The following PDGFC variants were observed in gnomAD, a reference collection of about 807,000 sequenced individuals.
PDGFC encodes the protein platelet derived growth factor C.
A neutral mutation model predicts 35.5 loss-of-function variants in PDGFC; 12 were observed. The ratio of observed to expected loss-of-function variants is 0.34; its 90% CI spans 0.22 to 0.55. The LOEUF is 0.55. Ranked by LOEUF, PDGFC falls within the 20% of genes least tolerant of loss-of-function variation. PDGFC has a pLI of 0.91. For synonymous variants in PDGFC, 159 were observed against 148.8 expected, an observed-to-expected ratio of 1.07 and a Z score of -0.50; for missense variants, 322 against 412.4, an observed-to-expected ratio of 0.78 and a Z score of 1.90.
intron 2 of PDGFC, chr4:156,841,539 C>T (rs918978266): frequency 4.1e-5 from 6 of 147,706 alleles, no homozygotes; most frequent in Admixed American, 2.0e-4. Context: ...CAGGATCTAA[C>T]TCTGTCACCC....
At chr4:156,895,721 T>C (rs1730618934) in intron 1 of PDGFC, among the ~76,000 whole-genome samples, 1 of 151,914 alleles carries the variant, frequency 6.6e-6, no homozygotes, top group Non-Finnish European at 1.5e-5. Flanking sequence ...AATCTATGTA[T>C]ATGTGAGTAT....
chr4:156,916,503 C>T (rs1279696485), intron 1 of PDGFC, among the ~76,000 whole-genome samples: 1 of 152,190 alleles, frequency 6.6e-6, no homozygotes, highest in African/African-American at 2.4e-5. Flanking sequence ...ACATACCTTA[C>T]TAGGCCCTAG....
At chr4:156,792,687 G>C (rs1731328986) in intron 3 of PDGFC, among the ~76,000 whole-genome samples, 1 of 152,174 alleles carries the variant, frequency 6.6e-6, no homozygotes, top group African/African-American at 2.4e-5. Flanking sequence ...AGTTCAGGAA[G>C]TCTACAGACC....
chr4:156,935,622 G>A (rs761379697), intron 1 of PDGFC, among the ~76,000 whole-genome samples: 11 of 152,170 alleles, frequency 7.2e-5, no homozygotes, highest in Non-Finnish European at 1.0e-4. Context: ...ACATGGTTAT[G>A]CAGCACATGA....
Position 156,849,473 on chromosome 4 carries a change from A to G in PDGFC, c.314+748T>C, listed in dbSNP as rs77202332. ...AAAAATCCAGTGAAGTTCAAGTAAA[A>G]TATTTTCATGTTATACAAATGTCAT... On this transcript the variant is annotated intron_variant, in intron 2 of 5. Coordinates refer to ENST00000502773, the MANE Select transcript of PDGFC (RefSeq NM_016205.3). Among the ~76,000 whole-genome samples the G allele has an allele frequency of 6.9e-3, 1,045 of 152,222 alleles. 7 individuals are homozygous for G. The highest frequency in any genetic ancestry group is 0.02 in the Middle Eastern group (6 of 294).
At chr4:156,875,736 G>A (rs1730100284) in intron 1 of PDGFC, among the ~76,000 whole-genome samples, 1 of 152,060 alleles carries the variant, frequency 6.6e-6, no homozygotes, top group Non-Finnish European at 1.5e-5. Context: ...TGGCCAACAT[G>A]GTGAAACCCC....
intron 1 of PDGFC, among the ~76,000 whole-genome samples, chr4:156,904,787 T>C (rs1730874411): frequency 6.6e-6 from 1 of 152,094 alleles, no homozygotes. Flanking sequence ...TATTTTTGTT[T>C]TTGGCACTCA....
intron 1 of PDGFC, among the ~76,000 whole-genome samples, chr4:156,946,025 A>G (rs2110922978): frequency 6.6e-6 from 1 of 152,202 alleles, no homozygotes; most frequent in East Asian, 1.9e-4. Flanking sequence ...TTTAGCCTTG[A>G]TATTTCTTCT....
At chr4:156,966,494 A>G (rs1185704703) in intron 1 of PDGFC, among the ~76,000 whole-genome samples, 1 of 152,082 alleles carries the variant, frequency 6.6e-6, no homozygotes, top group East Asian at 1.9e-4. Flanking sequence ...ATTTGTTATT[A>G]CTTATTCAAC....
chr4:156,833,723 G>T (rs1459695679), intron 2 of PDGFC, among the ~76,000 whole-genome samples: 1 of 152,202 alleles, frequency 6.6e-6, no homozygotes, highest in East Asian at 1.9e-4. Context: ...GAGCAAAGGT[G>T]TGAATACTAT....
chr4:156,926,572 C>A (rs1731419658), intron 1 of PDGFC, among the ~76,000 whole-genome samples: 1 of 152,192 alleles, frequency 6.6e-6, no homozygotes, highest in Non-Finnish European at 1.5e-5. Flanking sequence ...GGCGACCAGC[C>A]CCATGCATGT....
chr4:156,953,618 C>T (rs933320165), intron 1 of PDGFC, among the ~76,000 whole-genome samples: 6 of 151,698 alleles, frequency 4.0e-5, no homozygotes, highest in Admixed American at 1.3e-4. Flanking sequence ...TTTTACCGGA[C>T]GATAAATACT....
At chr4:156,772,523 ATAT>A (rs981901342) in intron 4 of PDGFC, among the ~76,000 whole-genome samples, 160 bp downstream of exon 4, 2 of 152,178 alleles carry the variant, frequency 1.3e-5, no homozygotes, top group African/African-American at 4.8e-5. Context: ...CCTTTTGTAT[ATAT>A]TATTATTCAA....
intron 1 of PDGFC, among the ~76,000 whole-genome samples, chr4:156,888,150 C>T (rs749792058): frequency 3.7e-4 from 57 of 152,108 alleles, no homozygotes; most frequent in South Asian, 1.0e-3. Flanking sequence ...TCTTGTCAAC[C>T]GTAGTACTTG....
intron 1 of PDGFC, among the ~76,000 whole-genome samples, chr4:156,882,295 C>A (rs73856773): frequency 6.6e-6 from 1 of 151,912 alleles, no homozygotes; most frequent in Non-Finnish European, 1.5e-5. Context: ...ATGCTCTGAC[C>A]GAAGTATTTT....
chr4:156,820,002 G>A (rs1040494425), intron 2 of PDGFC, among the ~76,000 whole-genome samples: 2 of 152,194 alleles, frequency 1.3e-5, no homozygotes, highest in East Asian at 3.9e-4. Context: ...TAACTGCACA[G>A]GTGGTGGAAA....
rs36049782 is a variant in PDGFC at position 156,885,156 on chromosome 4, T to TACACACAC, written c.119-34748_119-34741dup. On this transcript the variant is annotated intron_variant, in intron 1 of 5. Coordinates refer to ENST00000502773, the MANE Select transcript of PDGFC (RefSeq NM_016205.3). ...ATACTTGTGCATGTATGTGCATACA[T>TACACACAC]ACACACACACACACACACACACACA... Among the ~76,000 whole-genome samples the TACACACAC allele has an allele frequency of 3.0e-3, 378 of 127,064 alleles. 2 individuals carry two copies. The highest frequency in any genetic ancestry group is 0.011 in the African/African-American group (363 of 33,226). 83.4% of individuals were successfully genotyped at this position (127,064 alleles called of 152,430 possible). A position where few individuals can be genotyped will look rare whatever the true frequency, so the allele number is the denominator to read the frequency against.
chr4:156,823,497 T>C (rs918087865), intron 2 of PDGFC, among the ~76,000 whole-genome samples: 1 of 152,214 alleles, frequency 6.6e-6, no homozygotes, highest in Non-Finnish European at 1.5e-5. Flanking sequence ...ATGCAACCTA[T>C]GGAAGACTTC....
intron 3 of PDGFC, among the ~76,000 whole-genome samples, chr4:156,780,489 C>T (rs1167527577): frequency 1.3e-5 from 2 of 152,046 alleles, no homozygotes; most frequent in Admixed American, 6.6e-5. Context: ...TAAGGGAAAT[C>T]GTGGAATGTT....
Sources: allele counts gnomAD v4.1 joint callset (sites outside exome capture counted in the v4.1 genomes callset), GRCh38; gene constraint gnomAD v4.1.1; transcripts MANE v1.5; gene names NCBI Gene and HGNC (gene_info 2026-07-23, HGNC 2026-07-21).